The following ETS1 variants were observed in gnomAD, a reference collection of about 807,000 sequenced individuals.
ETS1 encodes protein C-ets-1.
A neutral mutation model predicts 58.6 loss-of-function variants in ETS1; 15 were observed. The ratio of observed to expected loss-of-function variants is 0.26; its 90% CI spans 0.17 to 0.39. The LOEUF is 0.39. Ranked by LOEUF, ETS1 falls within the 10% of genes least tolerant of loss-of-function variation. ETS1 has a pLI of 1.00. For missense variants in ETS1, 417 were observed against 610.5 expected (o/e 0.68, Z 3.34); for synonymous variants, 214 against 218.2 (o/e 0.98, Z 0.17).
intron 3 of ETS1, among the ~76,000 whole-genome samples, chr11:128,516,605 T>C (rs1863531122): frequency 6.6e-6 from 1 of 152,168 alleles, no homozygotes; most frequent in African/African-American, 2.4e-5. Context: ...GGAGTGTGCC[T>C]GTGTGTGAGC....
intron 8 of ETS1, among the ~76,000 whole-genome samples, chr11:128,479,118 AGGTCACT>A (rs1298567748): frequency 6.6e-6 from 1 of 152,200 alleles, no homozygotes; most frequent in Non-Finnish European, 1.5e-5. Flanking sequence ...TTGTTCTCAA[AGGTCACT>A]GGTTTTCTTC....
chr11:128,551,420 G>C (rs1218679112), intron 3 of ETS1, among the ~76,000 whole-genome samples: 2 of 152,310 alleles, frequency 1.3e-5, no homozygotes, highest in Middle Eastern at 3.4e-3. Flanking sequence ...GAATCTCAGC[G>C]TATCTCCCAC....
intron 2 of ETS1, among the ~76,000 whole-genome samples, chr11:128,566,545 A>G (rs1389726121): frequency 6.6e-6 from 1 of 152,142 alleles, no homozygotes; most frequent in East Asian, 1.9e-4. Context: ...GCACTTTGGG[A>G]GGCTAAGGTG....
At chr11:128,462,619 C>A (rs369222024) in intron 9 of ETS1, 43 bp from the exon 10 acceptor site, 26 of 1,516,208 alleles carry the variant, frequency 1.7e-5, no homozygotes, top group Non-Finnish European at 2.3e-5. Context: ...AGGCAAAAAT[C>A]TACAAGACAG....
At chr11:128,484,426 G>A (rs903902646) in intron 7 of ETS1, among the ~76,000 whole-genome samples, 2 of 152,156 alleles carry the variant, frequency 1.3e-5, no homozygotes, top group African/African-American at 4.8e-5. Context: ...AGGAGCACCA[G>A]GACACATGCT....
At chr11:128,493,073 T>C (rs557296198) in intron 3 of ETS1, among the ~76,000 whole-genome samples, 2 of 152,282 alleles carry the variant, frequency 1.3e-5, no homozygotes, top group South Asian at 4.1e-4. Flanking sequence ...ATGGCGGAAA[T>C]TGGCCAGGAC....
intron 5 of ETS1, among the ~76,000 whole-genome samples, chr11:128,486,715 G>A (rs756423391): frequency 4.6e-5 from 7 of 152,168 alleles, no homozygotes; most frequent in Admixed American, 1.3e-4. Context: ...GGTGAAATGC[G>A]ACTGCGCTTG....
chr11:128,476,545 G>A (rs148632847), intron 8 of ETS1, among the ~76,000 whole-genome samples: 110 of 152,338 alleles, frequency 7.2e-4, no homozygotes, highest in Non-Finnish European at 1.0e-3. Flanking sequence ...TCTATGAAAT[G>A]GGACTAGAGG....
chr11:128,467,648 G>T (rs376373033), intron 8 of ETS1, among the ~76,000 whole-genome samples: 7 of 152,006 alleles, frequency 4.6e-5, no homozygotes, highest in African/African-American at 1.2e-4. Context: ...TAATAATAGC[G>T]CCAGTCATGG....
chr11:128,531,088 T>G (rs1181371449), intron 3 of ETS1, among the ~76,000 whole-genome samples: 1 of 152,214 alleles, frequency 6.6e-6, no homozygotes, highest in Non-Finnish European at 1.5e-5. Context: ...CTACCAGGCT[T>G]TGGTTTCCTC....
At position 128,489,396 on chromosome 11, in the gene ETS1, A is replaced by G. The variant is rs751231639; in HGVS notation, c.429T>C (p.Cys143=). 2.0e-5 allele frequency: 33 copies of G among 1,614,094 alleles called. No homozygotes were observed. Among genetic ancestry groups the G allele is most frequent in the African/African-American group, 1.3e-5 (1 of 74,934 alleles). ...SLKGVDFQKF[C]MNGAALCALG... ...GGGCGCAGAGGGCTGCTCCATTCAT[A>G]CAGAACTTCTGGAAGTCTACACCTT... The change falls in exon 5 of 10, where the codon TGT becomes TGC. Residue 143 remains cysteine, a synonymous_variant. Coordinates refer to ENST00000392668, the MANE Select transcript of ETS1 (RefSeq NM_001143820.2).
At chr11:128,570,341 G>A (rs936094345) in intron 2 of ETS1, among the ~76,000 whole-genome samples, 1 of 151,084 alleles carries the variant, frequency 6.6e-6, no homozygotes, top group Admixed American at 6.6e-5. Context: ...GGGTTCAAGC[G>A]ATTCTCATGC....
chr11:128,560,057 C>G (rs189686772), intron 2 of ETS1, among the ~76,000 whole-genome samples: 159 of 152,270 alleles, frequency 1.0e-3, no homozygotes, highest in African/African-American at 3.3e-3. Context: ...AAGGACCTAA[C>G]AAACATCACA....
At chr11:128,566,700 G>C (rs919432341) in intron 2 of ETS1, among the ~76,000 whole-genome samples, 1 of 151,796 alleles carries the variant, frequency 6.6e-6, no homozygotes, top group African/African-American at 2.4e-5. Flanking sequence ...GGAGAATGGC[G>C]TGAATCTGGG....
intron 7 of ETS1, among the ~76,000 whole-genome samples, chr11:128,484,318 C>T (rs751339159): frequency 6.6e-6 from 1 of 152,046 alleles, no homozygotes; most frequent in African/African-American, 2.4e-5. Flanking sequence ...CTTCCCAAAC[C>T]GAAAAAGTCA....
chr11:128,549,940 G>C lies in ETS1; in HGVS notation c.214+6351C>G, dbSNP rs2135551556. On this transcript the variant is annotated intron_variant, in intron 3 of 9. Transcript: ENST00000392668. The surrounding 1 kb of genome is among the most constrained non-coding windows in gnomAD (Gnocchi z 4.3). ...AGGACTCAGATGTGAGTGGGCATCT[G>C]GTTTCTTCGATTCACCTAAATCCAC... 6.6e-6 allele frequency among the ~76,000 whole-genome samples: 1 copy of C among 152,242 alleles called. No individual in the cohort carries two copies. Among genetic ancestry groups the C allele is most frequent in the Middle Eastern group, 3.4e-3 (1 of 294 alleles).
chr11:128,485,157 T>C (rs1490321352), intron 6 of ETS1, 86 bp from the exon 7 acceptor site: 3 of 1,185,852 alleles, frequency 2.5e-6, no homozygotes, highest in African/African-American at 3.1e-5. Context: ...CCCTATGATG[T>C]GGGACAAGCT....
At chr11:128,478,451 G>A (rs201376766) in intron 8 of ETS1, among the ~76,000 whole-genome samples, 2 of 28,592 alleles carry the variant, frequency 7.0e-5, no homozygotes, top group African/African-American at 1.2e-4. Context: ...GGGAGAGAGG[G>A]AGGGAGGAAG....
At chr11:128,521,731 GTCCTCCTCC>G (rs760101577) in intron 3 of ETS1, among the ~76,000 whole-genome samples, 3 of 151,552 alleles carry the variant, frequency 2.0e-5, no homozygotes, top group African/African-American at 7.3e-5. Context: ...GCCACCAACA[GTCCTCCTCC>G]TCCTCCTCCT....
Sources: gnomAD v4.1 joint callset for allele counts (sites outside exome capture counted in the v4.1 genomes callset) on GRCh38, gnomAD v4.1.1 for gene constraint, Gnocchi (gnomAD v3.1) non-coding constraint, MANE v1.5 for transcripts, NCBI Gene and HGNC (gene_info 2026-07-23, HGNC 2026-07-21) for gene names.